SUGCT: variants seen among roughly 807,000 people sequenced by gnomAD.
SUGCT encodes the protein succinyl-CoA:glutarate CoA-transferase.
Under a neutral mutation model 55.0 loss-of-function variants are expected in SUGCT, and 41 were observed. The ratio of observed to expected loss-of-function variants is 0.74; its 90% confidence interval spans 0.58 to 0.97. The LOEUF (loss-of-function observed/expected upper bound fraction) is 0.97, where lower values mean the gene tolerates loss of function less well. Ranked by LOEUF, SUGCT falls within the 50% of genes least tolerant of loss-of-function variation. SUGCT has a pLI of 0.00. For synonymous variants in SUGCT, 187 were observed against 200.4 expected (o/e 0.93, Z 0.56); for missense variants, 568 against 547.8 (o/e 1.04, Z -0.37).
At chr7:40,214,902 A>G (rs963184024) in intron 6 of SUGCT, among the ~76,000 whole-genome samples, 1 of 151,506 alleles carries the variant, frequency 6.6e-6, no homozygotes, top group African/African-American at 2.4e-5. Context: ...CAACAGAGTG[A>G]GACTCTGTCT....
chr7:40,449,269 T>A lies in SUGCT; in HGVS notation c.817-18T>A, dbSNP rs1456610348. ...TCAACATATAAATAATATTTACCTGTGTATTTATTTCTTTTAGGCTTTTAA... is the reference window on the plus strand; with the variant it reads ...TCAACATATAAATAATATTTACCTGAGTATTTATTTCTTTTAGGCTTTTAA... On this transcript the variant is annotated intron_variant, in intron 9 of 13. Transcript: ENST00000335693. 6.5e-7 allele frequency: 1 copy of A among 1,541,224 alleles called. No homozygotes were observed. Among genetic ancestry groups the A allele is most frequent in the South Asian group, 1.1e-5 (1 of 88,320 alleles).
At chr7:40,606,476 A>G (rs1461254656) in intron 12 of SUGCT, among the ~76,000 whole-genome samples, 1 of 152,156 alleles carries the variant, frequency 6.6e-6, no homozygotes, top group Non-Finnish European at 1.5e-5. Context: ...GCATCCAGGA[A>G]GCGTCTTTGT....
At position 40,316,843 on chromosome 7, in the gene SUGCT, C is replaced by T. The variant is rs192659388; in HGVS notation, c.804C>T (p.Ile268=). 29 of 1,582,918 alleles carry T rather than the reference C, an allele frequency of 1.8e-5. No individual in the cohort carries two copies. Among genetic ancestry groups the T allele is most frequent in the Middle Eastern group, 1.7e-4 (1 of 6,018 alleles). The part of the protein sequence containing the change: ...AKRWGTAHGS[I]VPYQAFKTKD... ...GTTGGGGTACAGCTCATGGCAGTAT[C>T]GTTCCTTACCAGGTAAGACTACAGC... Residue 268 remains isoleucine (I), a synonymous_variant, in exon 9 of 14, where the codon ATC becomes ATT. Coordinates refer to ENST00000335693, the MANE Select transcript of SUGCT (RefSeq NM_001193313.2).
intron 12 of SUGCT, among the ~76,000 whole-genome samples, chr7:40,673,638 A>T (rs937010749): frequency 3.9e-5 from 6 of 152,224 alleles, no homozygotes; most frequent in African/African-American, 1.4e-4. Context: ...CATCCATAAA[A>T]TGTCTCTGAC....
intron 9 of SUGCT, among the ~76,000 whole-genome samples, chr7:40,392,752 C>T (rs541969540): frequency 1.3e-5 from 2 of 152,276 alleles, no homozygotes; most frequent in African/African-American, 4.8e-5. Flanking sequence ...CAGATTTAAT[C>T]TTCCATGTGA....
At chr7:40,434,860 C>A (rs1406290381) in intron 9 of SUGCT, among the ~76,000 whole-genome samples, 1 of 151,982 alleles carries the variant, frequency 6.6e-6, no homozygotes, top group Non-Finnish European at 1.5e-5. Flanking sequence ...TAGAGCCTTC[C>A]CCTATGCTTT....
At chr7:40,669,743 C>T (rs1801837602) in intron 12 of SUGCT, among the ~76,000 whole-genome samples, 1 of 151,416 alleles carries the variant, frequency 6.6e-6, no homozygotes, top group Non-Finnish European at 1.5e-5. Flanking sequence ...AAATAAATCA[C>T]CCTTAATGGA....
chr7:40,227,502 C>CT (rs1455441983), intron 6 of SUGCT, among the ~76,000 whole-genome samples: 9 of 152,160 alleles, frequency 5.9e-5, no homozygotes, highest in Non-Finnish European at 8.8e-5. Context: ...GTAGCTAGGA[C>CT]TACATGTGTG....
intron 9 of SUGCT, among the ~76,000 whole-genome samples, chr7:40,412,982 A>T (rs574629720): frequency 1.1e-4 from 17 of 152,214 alleles, no homozygotes; most frequent in African/African-American, 3.9e-4. Context: ...TAATATCTTC[A>T]TGGTTATTAT....
intron 1 of SUGCT, among the ~76,000 whole-genome samples, chr7:40,180,527 T>C (rs1785138418): frequency 6.6e-6 from 1 of 151,494 alleles, no homozygotes; most frequent in Non-Finnish European, 1.5e-5. Context: ...CCTTGCTCTG[T>C]CGCCCAGGCT....
At chr7:40,778,136 A>T (rs866953786) in intron 13 of SUGCT, among the ~76,000 whole-genome samples, 5 of 152,228 alleles carry the variant, frequency 3.3e-5, no homozygotes, top group Admixed American at 6.5e-5. Flanking sequence ...ACTGAAAGCC[A>T]GTGGTTAACC....
At chr7:40,479,477 T>A (rs757343068) in intron 11 of SUGCT, among the ~76,000 whole-genome samples, 1 of 152,172 alleles carries the variant, frequency 6.6e-6, no homozygotes, top group Non-Finnish European at 1.5e-5. Flanking sequence ...GTACACTCCA[T>A]GTACGTGTTC....
rs182723143 is a variant in SUGCT at position 40,221,647 on chromosome 7, C to T, written c.485-15988C>T. Among the ~76,000 whole-genome samples, 101 of 151,204 alleles carry T rather than the reference C, an allele frequency of 6.7e-4. 1 individual carries two copies. Among genetic ancestry groups the T allele is most frequent in the African/African-American group, 2.2e-3 (92 of 41,282 alleles). On this transcript the variant is annotated intron_variant, in intron 6 of 13. Transcript: ENST00000335693. ...CTGGGATTACAGGCGTGTGCCACCA[C>T]GCCTGGCTAATTTTTGTATTTTTAG...
chr7:40,192,155 A>G (rs1001133323), intron 5 of SUGCT, among the ~76,000 whole-genome samples: 1 of 150,542 alleles, frequency 6.6e-6, no homozygotes, highest in Non-Finnish European at 1.5e-5. Context: ...ACCCCTCTCC[A>G]TTTAGGCCTT....
intron 12 of SUGCT, among the ~76,000 whole-genome samples, chr7:40,553,355 C>A (rs1043345601): frequency 1.3e-5 from 2 of 152,152 alleles, no homozygotes; most frequent in Non-Finnish European, 2.9e-5. Flanking sequence ...TGTATATGAT[C>A]TCTGGATTGA....
At chr7:40,926,519 G>A in the SUGCT span, among the ~76,000 whole-genome samples, 5 of 152,220 alleles carry the variant, frequency 3.3e-5, no homozygotes, top group Middle Eastern at 6.8e-3. Context: ...TTTGTGTAAT[G>A]GACCAAATGT....
chr7:40,216,478 C>T (rs550236842), intron 6 of SUGCT, among the ~76,000 whole-genome samples: 10 of 123,046 alleles, frequency 8.1e-5, no homozygotes, highest in South Asian at 4.8e-4. Context: ...CCGGCCTGGG[C>T]GAAGAGCAAG....
the SUGCT span, among the ~76,000 whole-genome samples, chr7:41,020,827 A>C: frequency 6.6e-6 from 1 of 152,240 alleles, no homozygotes; most frequent in Non-Finnish European, 1.5e-5. Context: ...GGAAAAATGA[A>C]TCAAAGGAAT....
intron 5 of SUGCT, among the ~76,000 whole-genome samples, chr7:40,191,782 T>C (rs1785923407): frequency 6.6e-6 from 1 of 152,164 alleles, no homozygotes; most frequent in African/African-American, 2.4e-5. Context: ...TAGTCTTTCA[T>C]ATTTCTGGTA....
Sources: allele counts gnomAD v4.1 joint callset (sites outside exome capture counted in the v4.1 genomes callset), GRCh38; gene constraint gnomAD v4.1.1; transcripts MANE v1.5; gene names NCBI Gene and HGNC (gene_info 2026-07-23, HGNC 2026-07-21).